MAPK10: variants seen among roughly 807,000 people sequenced by gnomAD.
The protein encoded by MAPK10 is mitogen-activated protein kinase 10, also known as JNK3 alpha protein kinase.
MAPK10 carries 25 observed loss-of-function variants against 59.3 expected under a neutral mutation model. That is an observed-to-expected ratio of 0.42 (90% CI 0.31 to 0.59). The LOEUF is 0.59. Among genes scored for constraint, MAPK10 ranks in the 20% least tolerant of loss-of-function variants. MAPK10 has a pLI of 0.15. For synonymous variants in MAPK10, 190 were observed against 200.5 expected, an observed-to-expected ratio of 0.95 and a Z score of 0.44; for missense variants, 351 against 568.9, an observed-to-expected ratio of 0.62 and a Z score of 3.90.
intron 10 of MAPK10, among the ~76,000 whole-genome samples, chr4:86,067,507 G>T (rs2046988754): frequency 6.6e-6 from 1 of 152,104 alleles, no homozygotes; most frequent in Non-Finnish European, 1.5e-5. Context: ...GATCTTTGAA[G>T]AAATATTTCT....
At chr4:86,177,571 A>G (rs1033478930) in intron 3 of MAPK10, among the ~76,000 whole-genome samples, 1 of 152,126 alleles carries the variant, frequency 6.6e-6, no homozygotes, top group Non-Finnish European at 1.5e-5. Flanking sequence ...AAAAACCCAT[A>G]TAATTCTGGA....
At chr4:86,211,931 CA>C (rs1213309290) in intron 2 of MAPK10, among the ~76,000 whole-genome samples, 1 of 151,308 alleles carries the variant, frequency 6.6e-6, no homozygotes, top group Non-Finnish European at 1.5e-5. Flanking sequence ...TAGACACATA[CA>C]AAAAACAGTT....
At chr4:86,310,059 T>C (rs1191720629) in intron 2 of MAPK10, among the ~76,000 whole-genome samples, 1 of 152,204 alleles carries the variant, frequency 6.6e-6, no homozygotes, top group Non-Finnish European at 1.5e-5. Flanking sequence ...GAAAGGCTAA[T>C]CAGAAACTCA....
intron 5 of MAPK10, among the ~76,000 whole-genome samples, chr4:86,104,430 C>T (rs1033443456): frequency 2.6e-5 from 4 of 151,986 alleles, no homozygotes; most frequent in South Asian, 2.1e-4. Context: ...ATTAAAGTGC[C>T]ATGTTATTCT....
At chr4:86,503,836 C>A (rs954968245) in intron 1 of MAPK10, among the ~76,000 whole-genome samples, 1 of 151,890 alleles carries the variant, frequency 6.6e-6, no homozygotes, top group Non-Finnish European at 1.5e-5. Flanking sequence ...ACTACCAGAC[C>A]CCATCATCTA....
At chr4:86,212,917 A>T (rs1392361359) in intron 2 of MAPK10, among the ~76,000 whole-genome samples, 1 of 152,182 alleles carries the variant, frequency 6.6e-6, no homozygotes, top group Non-Finnish European at 1.5e-5. Context: ...CGTCTTCCTC[A>T]AAACAATATA....
intron 2 of MAPK10, among the ~76,000 whole-genome samples, chr4:86,249,506 G>A (rs1038815080): frequency 1.3e-5 from 2 of 152,102 alleles, no homozygotes; most frequent in Non-Finnish European, 2.9e-5. Flanking sequence ...GTAGAACTAT[G>A]TCACCCCTTT....
chr4:86,245,656 G>A (rs527579805), intron 2 of MAPK10, among the ~76,000 whole-genome samples: 3 of 152,022 alleles, frequency 2.0e-5, no homozygotes, highest in Non-Finnish European at 4.4e-5. Flanking sequence ...TCTTAATAAG[G>A]AGAACATATC....
chr4:86,425,271 C>G (rs1747124519), intron 1 of MAPK10, among the ~76,000 whole-genome samples: 1 of 151,974 alleles, frequency 6.6e-6, no homozygotes, highest in Non-Finnish European at 1.5e-5. Context: ...GGTCTTAAAG[C>G]AAAAAGAATA....
At chr4:86,170,854 C>G (rs1036174164) in intron 3 of MAPK10, among the ~76,000 whole-genome samples, 8 of 150,250 alleles carry the variant, frequency 5.3e-5, no homozygotes, top group African/African-American at 1.8e-4. Context: ...TGTAAAAGAA[C>G]AGAAATTATA....
chr4:86,237,697 G>T (rs907162934), intron 2 of MAPK10, among the ~76,000 whole-genome samples: 1 of 151,434 alleles, frequency 6.6e-6, no homozygotes, highest in Non-Finnish European at 1.5e-5. Context: ...ACTTTTTGAT[G>T]GTTTTTTTAT....
Position 86,017,394 on chromosome 4 carries a change from A to G in MAPK10, c.1253-24T>C. 1.9e-6 allele frequency: 3 copies of G among 1,613,500 alleles called. No homozygotes were observed. Among genetic ancestry groups the G allele is most frequent in the South Asian group, 2.2e-5 (2 of 91,022 alleles). On this transcript the variant is annotated intron_variant, in intron 13 of 13. Transcript: ENST00000641462. This position sits in a 1 kb window ranked among gnomAD's most constrained non-coding sequence, Gnocchi z 4.4. ...ACCTGTGCTAAGAAAATGAAGACCA[A>G]CATGACTCAATCTAGAACCAGACCC...
intron 3 of MAPK10, among the ~76,000 whole-genome samples, chr4:86,191,288 C>T (rs557499132): frequency 6.6e-6 from 1 of 152,198 alleles, no homozygotes; most frequent in South Asian, 2.1e-4. Context: ...GCATTCAAGT[C>T]CTGAATATCC....
chr4:86,371,563 A>G (rs1266392582), intron 1 of MAPK10, among the ~76,000 whole-genome samples: 1 of 152,222 alleles, frequency 6.6e-6, no homozygotes, highest in Non-Finnish European at 1.5e-5. Context: ...TAAGAAAAAA[A>G]TGCGAGTGAA....
At chr4:86,282,981 T>C (rs2094869957) in intron 2 of MAPK10, among the ~76,000 whole-genome samples, 1 of 152,206 alleles carries the variant, frequency 6.6e-6, no homozygotes, top group South Asian at 2.1e-4. Flanking sequence ...AGGGTGAGAT[T>C]TCATTCCCTC....
At chr4:86,531,153 A>G (rs577555510) in intron 1 of MAPK10, among the ~76,000 whole-genome samples, 103 of 152,346 alleles carry the variant, frequency 6.8e-4, no homozygotes, top group Non-Finnish European at 1.3e-3. Context: ...CTGGGGATTT[A>G]CTAAAAAATT....
chr4:86,308,565 T>C (rs1478965933), intron 2 of MAPK10: 2 of 152,146 alleles, frequency 1.3e-5, no homozygotes, highest in African/African-American at 4.8e-5. Flanking sequence ...ATCCCCACTT[T>C]TGCAAGTGAG....
intron 1 of MAPK10, among the ~76,000 whole-genome samples, chr4:86,480,298 C>T (rs1344107665): frequency 6.7e-6 from 1 of 148,546 alleles, no homozygotes. Flanking sequence ...TCAAAAATCT[C>T]CCCCACTGAG....
At chr4:86,394,275 AAAAG>A (rs551688396) in intron 1 of MAPK10, among the ~76,000 whole-genome samples, 139 of 152,158 alleles carry the variant, frequency 9.1e-4, no homozygotes, top group South Asian at 4.8e-3. Context: ...TTTCAAAAAA[AAAAG>A]AAAGAAAGAA....
Sources: allele counts gnomAD v4.1 joint callset (sites outside exome capture counted in the v4.1 genomes callset), GRCh38; gene constraint gnomAD v4.1.1; non-coding constraint Gnocchi (gnomAD v3.1); transcripts MANE v1.5; gene names NCBI Gene and HGNC (gene_info 2026-07-23, HGNC 2026-07-21).